PCDHGA6: variants seen among roughly 807,000 people sequenced by gnomAD.
PCDHGA6 encodes protocadherin gamma-A6.
A neutral mutation model predicts 60.6 loss-of-function variants in PCDHGA6; 41 were observed. The observed-to-expected ratio is 0.68, with a 90% CI of 0.53 to 0.88. The LOEUF (loss-of-function observed/expected upper bound fraction) is 0.88. Among genes scored for constraint, PCDHGA6 ranks in the 40% least tolerant of loss-of-function variants. The pLI, the probability that PCDHGA6 is intolerant of heterozygous loss-of-function variation, is 0.00. For missense variants in PCDHGA6, 1,312 were observed against 1,203.0 expected (o/e 1.09, Z -1.34); for synonymous variants, 594 against 524.4 (o/e 1.13, Z -1.81).
At chr5:141,460,882 C>G (rs2098999926) in intron 1 of PCDHGA6, among the ~76,000 whole-genome samples, 1 of 149,600 alleles carries the variant, frequency 6.7e-6, no homozygotes, top group Non-Finnish European at 1.5e-5. Context: ...TTATTTCATG[C>G]CTTTTCGTGG....
chr5:141,382,807 T>TC (rs1430207152), intron 1 of PCDHGA6: 2 of 1,107,572 alleles, frequency 1.8e-6, no homozygotes, highest in Non-Finnish European at 2.6e-6. Context: ...GATTCTGAGC[T>TC]CCCCTTCCTA....
At chr5:141,488,594 C>T (rs1398982317) in intron 1 of PCDHGA6, among the ~76,000 whole-genome samples, 3 of 152,164 alleles carry the variant, frequency 2.0e-5, no homozygotes, top group African/African-American at 7.2e-5. Context: ...CAGGGCAAGA[C>T]TTTACAAGGT....
chr5:141,408,133 T>A, intron 1 of PCDHGA6: 5 of 1,483,848 alleles, frequency 3.4e-6, no homozygotes, highest in Non-Finnish European at 4.5e-6. Context: ...GGCCGAATGC[T>A]CTTTTAGCGC....
chr5:141,505,591 G>C (rs2099846959), intron 3 of PCDHGA6, 110 bp downstream of exon 3: 2 of 1,570,280 alleles, frequency 1.3e-6, no homozygotes, highest in African/African-American at 2.7e-5. Flanking sequence ...AGTTTCTCCA[G>C]ATCTTTCGGC....
At chr5:141,448,488 C>A (rs568050769) in intron 1 of PCDHGA6, among the ~76,000 whole-genome samples, 1 of 152,280 alleles carries the variant, frequency 6.6e-6, no homozygotes, top group African/African-American at 2.4e-5. Context: ...TTCCTCCTGT[C>A]CCCTGTAGGT....
chr5:141,421,527 GTCC>G (rs2096581302), intron 1 of PCDHGA6: 1 of 1,614,050 alleles, frequency 6.2e-7, no homozygotes, highest in African/African-American at 1.3e-5. Flanking sequence ...GTGAGACGGT[GTCC>G]TCCTGTTTTT....
At chr5:141,502,953 C>G (rs145774277) in intron 2 of PCDHGA6, among the ~76,000 whole-genome samples, 1,594 of 147,762 alleles carry the variant, frequency 0.011, 24 homozygotes, top group African/African-American at 0.037. Context: ...AAGCGATTCT[C>G]CTGCCTCAGC....
At position 141,476,011 on chromosome 5, in the gene PCDHGA6, A is replaced by C. The variant is rs1415142555; in HGVS notation, c.2425-18796A>C. On this transcript the variant is annotated intron_variant, in intron 1 of 3. Coordinates refer to ENST00000517434, the MANE Select transcript of PCDHGA6 (RefSeq NM_018919.3). This position sits in a 1 kb window ranked among gnomAD's most constrained non-coding sequence, Gnocchi z 7.6. The stretch of plus-strand genomic sequence containing the variant: ...GCAAATCAACGGCATCCAGAAAGCC[A>C]TGTCGGACTCGGCGCCCAGCGCCCA... 2.3e-6 allele frequency: 3 copies of C among 1,311,164 alleles called. No homozygotes were observed. Among genetic ancestry groups the C allele is most frequent in the African/African-American group, 1.5e-5 (1 of 68,020 alleles). 81.2% of individuals were successfully genotyped at this position (1,311,164 alleles called of 1,614,324 possible).
intron 1 of PCDHGA6, among the ~76,000 whole-genome samples, chr5:141,446,536 GC>G (rs1043723006): frequency 2.0e-5 from 3 of 152,012 alleles, no homozygotes; most frequent in African/African-American, 7.2e-5. Context: ...GAGTGCAGTG[GC>G]CCTATCTCTG....
intron 1 of PCDHGA6, chr5:141,392,857 T>C: frequency 5.0e-6 from 8 of 1,612,536 alleles, no homozygotes; most frequent in Non-Finnish European, 6.8e-6. Flanking sequence ...GAGCTGATCC[T>C]GCTGTGCGCG....
chr5:141,377,009 G>A (rs1392243564), intron 1 of PCDHGA6: 2 of 155,212 alleles, frequency 1.3e-5, no homozygotes, highest in Non-Finnish European at 2.9e-5. Flanking sequence ...TTTATTGGTT[G>A]ACAGGAAAAT....
At chr5:141,381,812 CTTTCT>C (rs1426701973) in intron 1 of PCDHGA6, among the ~76,000 whole-genome samples, 18 of 129,486 alleles carry the variant, frequency 1.4e-4, no homozygotes, top group African/African-American at 3.6e-4. Context: ...TTCTTTCTTT[CTTTCT>C]TTCTTCTTCT....
rs773048793 is a variant in PCDHGA6, at chr5:141,505,456, A to T, written c.2547A>T (p.Gln849His). The T allele has an allele frequency of 1.3e-5, 21 of 1,614,110 alleles. No homozygotes were observed. The highest frequency in any genetic ancestry group is 1.7e-5 in the Non-Finnish European group (20 of 1,180,044). The change falls in exon 3 of 4, where the codon CAA becomes CAT. Residue 849 changes from glutamine (Q) to histidine (H), a missense_variant. By Grantham distance (24) the Gln-to-His change is conservative (BLOSUM62 0). Coordinates refer to ENST00000517434, the MANE Select transcript of PCDHGA6 (RefSeq NM_018919.3). ...ACCAGTTTGACACAGAGATGCTGCA[A>T]GCCATGATCTTGGCGTCCGCCAGTG... ...PNNQFDTEML[Q>H]AMILASASEA...
chr5:141,384,419 T>G, intron 1 of PCDHGA6: 1 of 1,613,944 alleles, frequency 6.2e-7, no homozygotes, highest in Non-Finnish European at 8.5e-7. Context: ...TATGTCTCCA[T>G]AAACTCTGAC....
chr5:141,492,942 G>A (rs897160295), intron 1 of PCDHGA6, among the ~76,000 whole-genome samples: 3 of 152,220 alleles, frequency 2.0e-5, no homozygotes, highest in African/African-American at 7.2e-5. Context: ...GAGATTTGGA[G>A]GTGACCAAAC....
intron 1 of PCDHGA6, chr5:141,413,949 T>C (rs1291474416): frequency 6.2e-7 from 1 of 1,613,218 alleles, no homozygotes; most frequent in African/African-American, 1.3e-5. Context: ...TTCCTGAGAA[T>C]TTGCCTGTGG....
At chr5:141,470,552 T>G (rs1303190360) in intron 1 of PCDHGA6, among the ~76,000 whole-genome samples, 1 of 151,966 alleles carries the variant, frequency 6.6e-6, no homozygotes, top group East Asian at 1.9e-4. Flanking sequence ...TTATTGAGAG[T>G]TTCCTCTGTG....
In PCDHGA6 at chr5:141,477,442, A is replaced by G; in HGVS notation, c.2425-17365A>G. The G allele has an allele frequency of 6.2e-7, 1 of 1,614,132 alleles. No individual in the cohort carries two copies. Among genetic ancestry groups the G allele is most frequent in the Non-Finnish European group, 8.5e-7 (1 of 1,180,022 alleles). ...CCCCTTCCCTCTCAGCCCTTACAAT[A>G]GTGCGTGTTCAAGTGTCCGACATCA... On this transcript the variant is annotated intron_variant, in intron 1 of 3. Coordinates refer to ENST00000517434, the MANE Select transcript of PCDHGA6 (RefSeq NM_018919.3). This position sits in a 1 kb window ranked among gnomAD's most constrained non-coding sequence, Gnocchi z 4.9.
chr5:141,384,384 C>A (rs142665639), intron 1 of PCDHGA6: 102 of 1,613,934 alleles, frequency 6.3e-5, no homozygotes, highest in Non-Finnish European at 8.3e-5. Context: ...CCGAAGACAC[C>A]ATCCAGGGGG....
Sources: gnomAD v4.1 joint callset for allele counts (sites outside exome capture counted in the v4.1 genomes callset) on GRCh38, gnomAD v4.1.1 for gene constraint, Gnocchi (gnomAD v3.1) non-coding constraint, MANE v1.5 for transcripts, NCBI Gene and HGNC (gene_info 2026-07-23, HGNC 2026-07-21) for gene names.